Variants in RPS6KC1 observed in about 807,000 individuals in gnomAD.
RPS6KC1 encodes the protein ribosomal protein S6 kinase C1, also known as inactive ribosomal protein S6 kinase delta-1.
RPS6KC1 carries 54 observed loss-of-function variants against 103.8 expected under a neutral mutation model. That is an observed-to-expected ratio of 0.52 (90% CI 0.42 to 0.65). The LOEUF (loss-of-function observed/expected upper bound fraction) is 0.65. Ranked by LOEUF, RPS6KC1 falls within the 30% of genes least tolerant of loss-of-function variation. The pLI is 0.00. For missense variants in RPS6KC1, 1,151 were observed against 1,253.8 expected, an observed-to-expected ratio of 0.92 and a Z score of 1.24; for synonymous variants, 439 against 438.7, an observed-to-expected ratio of 1.00 and a Z score of -0.01.
At chr1:213,510,813 A>G in the RPS6KC1 span, among the ~76,000 whole-genome samples, 4 of 152,134 alleles carry the variant, frequency 2.6e-5, no homozygotes, top group African/African-American at 7.2e-5. Flanking sequence ...TCCCTATACT[A>G]TATAAGCCCT....
chr1:213,826,310 A>G, the RPS6KC1 span, among the ~76,000 whole-genome samples: 2 of 152,364 alleles, frequency 1.3e-5, no homozygotes, highest in Admixed American at 1.3e-4. Flanking sequence ...ATGAAAATAT[A>G]CAATATTATT....
intron 8 of RPS6KC1, among the ~76,000 whole-genome samples, chr1:213,225,322 A>G (rs2093933616): frequency 6.6e-6 from 1 of 152,180 alleles, no homozygotes; most frequent in African/African-American, 2.4e-5. Context: ...CTAGTTGCAC[A>G]CAAACTTTGT....
At chr1:213,183,629 AT>A (rs2092391895) in intron 8 of RPS6KC1, among the ~76,000 whole-genome samples, 1 of 152,126 alleles carries the variant, frequency 6.6e-6, no homozygotes, top group Non-Finnish European at 1.5e-5. Flanking sequence ...ACATACCAGA[AT>A]TTATGGGACA....
At chr1:213,263,623 G>A (rs1352233557) in intron 14 of RPS6KC1, among the ~76,000 whole-genome samples, 1 of 151,954 alleles carries the variant, frequency 6.6e-6, no homozygotes, top group African/African-American at 2.4e-5. Flanking sequence ...AAAAAAGTCA[G>A]GGAAAACAAA....
the RPS6KC1 span, among the ~76,000 whole-genome samples, chr1:213,388,561 G>A: frequency 6.6e-6 from 1 of 152,234 alleles, no homozygotes; most frequent in East Asian, 1.9e-4. Flanking sequence ...AAAACCTGAG[G>A]GCTTTGGTGA....
At chr1:213,628,121 G>A in the RPS6KC1 span, among the ~76,000 whole-genome samples, 1 of 152,252 alleles carries the variant, frequency 6.6e-6, no homozygotes, top group African/African-American at 2.4e-5. Flanking sequence ...TCTATTCAGA[G>A]GTTCAAGTTC....
chr1:213,216,158 G>A (rs1360399532), intron 8 of RPS6KC1, among the ~76,000 whole-genome samples: 1 of 152,062 alleles, frequency 6.6e-6, no homozygotes, highest in Non-Finnish European at 1.5e-5. Context: ...ACACACATAG[G>A]CTCAAAATAA....
the RPS6KC1 span, among the ~76,000 whole-genome samples, chr1:213,453,205 AT>A: frequency 6.6e-6 from 1 of 152,148 alleles, no homozygotes; most frequent in South Asian, 2.1e-4. Context: ...CAACTGATTC[AT>A]TTATTCAATA....
the RPS6KC1 span, among the ~76,000 whole-genome samples, chr1:213,451,929 C>G: frequency 9.8e-5 from 15 of 152,288 alleles, no homozygotes; most frequent in South Asian, 2.7e-3. Context: ...GCGTCAGCTG[C>G]TATTCCAGGA....
the RPS6KC1 span, among the ~76,000 whole-genome samples, chr1:213,400,791 C>T: frequency 6.6e-6 from 1 of 151,852 alleles, no homozygotes; most frequent in Non-Finnish European, 1.5e-5. Flanking sequence ...ACTGCAAGCT[C>T]CGCCTTCCAG....
At chr1:213,589,959 G>A in the RPS6KC1 span, among the ~76,000 whole-genome samples, 2 of 151,726 alleles carry the variant, frequency 1.3e-5, no homozygotes, top group Admixed American at 1.3e-4. Context: ...GTGTGTGTGT[G>A]TGTGTGTGTG....
chr1:213,080,324 T>A (rs1388496496), intron 3 of RPS6KC1, among the ~76,000 whole-genome samples: 1 of 152,198 alleles, frequency 6.6e-6, no homozygotes, highest in East Asian at 1.9e-4. Flanking sequence ...CATAATATTT[T>A]TAGTTCTTCT....
the RPS6KC1 span, among the ~76,000 whole-genome samples, chr1:213,565,741 T>TA: frequency 2.0e-5 from 3 of 152,202 alleles, no homozygotes; most frequent in South Asian, 2.1e-4. Context: ...AAATTTGATA[T>TA]AAAAAAATCC....
At chr1:213,064,376 T>G (rs1443621105) in intron 1 of RPS6KC1, among the ~76,000 whole-genome samples, 8 of 151,408 alleles carry the variant, frequency 5.3e-5, no homozygotes, top group African/African-American at 1.9e-4. Flanking sequence ...AACTTTTTTT[T>G]TTTTTTTTGA....
the RPS6KC1 span, among the ~76,000 whole-genome samples, chr1:213,321,195 G>A: frequency 6.6e-6 from 1 of 152,202 alleles, no homozygotes; most frequent in South Asian, 2.1e-4. Flanking sequence ...AGGGTGATGG[G>A]CTCAAACTCC....
chr1:213,507,409 G>A, the RPS6KC1 span, among the ~76,000 whole-genome samples: 1 of 152,140 alleles, frequency 6.6e-6, no homozygotes, highest in Non-Finnish European at 1.5e-5. Flanking sequence ...CCTGGGTAGA[G>A]GTAAAACTGG....
the RPS6KC1 span, among the ~76,000 whole-genome samples, chr1:213,844,102 A>G: frequency 6.6e-6 from 1 of 152,238 alleles, no homozygotes; most frequent in African/African-American, 2.4e-5. Flanking sequence ...TATGATTCAT[A>G]TATGCATTAG....
chr1:213,846,626 C>G, the RPS6KC1 span, among the ~76,000 whole-genome samples: 12 of 152,244 alleles, frequency 7.9e-5, no homozygotes, highest in African/African-American at 2.9e-4. Flanking sequence ...GCTGTCCTGG[C>G]AATTAAAGCT....
At chr1:213,363,656 TTC>T in the RPS6KC1 span, among the ~76,000 whole-genome samples, 2 of 87,666 alleles carry the variant, frequency 2.3e-5, 1 homozygote, top group Admixed American at 2.1e-4. Context: ...CTTTCTTTCT[TTC>T]TTTCTTTCTT....
Sources: gnomAD v4.1 joint callset for allele counts (sites outside exome capture counted in the v4.1 genomes callset) on GRCh38, gnomAD v4.1.1 for gene constraint, MANE v1.5 for transcripts, NCBI Gene and HGNC (gene_info 2026-07-23, HGNC 2026-07-21) for gene names.